Variants in MON1B observed in about 807,000 individuals in gnomAD.
The protein encoded by MON1B is vacuolar fusion protein MON1 homolog B.
Under a neutral mutation model 45.1 loss-of-function variants are expected in MON1B, and 26 were observed. The observed-to-expected ratio is 0.58, with a 90% CI of 0.42 to 0.80. The LOEUF (loss-of-function observed/expected upper bound fraction) is 0.80. Ranked by LOEUF, MON1B falls within the 30% of genes least tolerant of loss-of-function variation. The probability of loss-of-function intolerance (pLI) is 0.00; values close to 1 mark genes in which losing one functional copy is unlikely to be tolerated. For missense variants in MON1B, 737 were observed against 754.5 expected, an observed-to-expected ratio of 0.98 and a Z score of 0.27; for synonymous variants, 395 against 320.2, an observed-to-expected ratio of 1.23 and a Z score of -2.49.
Position 77,193,480 on chromosome 16 carries a change from C to T in MON1B, c.178C>T (p.Pro60Ser). The T allele has an allele frequency of 6.3e-7, 1 of 1,579,462 alleles. No individual in the cohort carries two copies. Among genetic ancestry groups the T allele is most frequent in the Non-Finnish European group, 8.6e-7 (1 of 1,160,704 alleles). Residue 60 changes from proline (P) to serine (S), a missense_variant, in exon 3 of 6, where the codon CCA (proline) becomes TCA (serine). Transcript: ENST00000248248. The surrounding 1 kb of genome is among the most constrained non-coding windows in gnomAD (Gnocchi z 5.0). ...GSKDKDQPPS[P>S]SPPPQSEALS... ...CAAGGACAAGGACCAGCCACCCAGC[C>T]CATCACCACCGCCCCAGTCAGAGGC...
rs1597378403 is a variant in MON1B at position 77,198,218 on chromosome 16, G to A, written c.1554G>A (p.Arg518=). The change falls in exon 6 of 6, where the codon CGG becomes CGA. Residue 518 remains arginine (R), a synonymous_variant. Transcript: ENST00000248248. ...GCTGGGTGAAGAAAGAGGAGGACCGGCTCTTCATTCGTTACCCACCCAAGT... is the reference window on the plus strand; with the variant it reads ...GCTGGGTGAAGAAAGAGGAGGACCGACTCTTCATTCGTTACCCACCCAAGT... ...LLRWVKKEED[R]LFIRYPPKYS... The A allele has an allele frequency of 1.2e-6, 2 of 1,614,134 alleles. No homozygotes were observed. Among genetic ancestry groups the A allele is most frequent in the Non-Finnish European group, 1.7e-6 (2 of 1,180,016 alleles).
rs1358105882 is a variant in MON1B, at chr16:77,198,920, AC to A, written c.*615del. 6.2e-6 allele frequency: 1 copy of A among 162,132 alleles called. No individual in the cohort carries two copies. 10.0% of individuals were successfully genotyped at this position (162,132 alleles called of 1,614,324 possible). On this transcript the variant is annotated 3_prime_UTR_variant, in exon 6 of 6. Coordinates refer to ENST00000248248, the MANE Select transcript of MON1B (RefSeq NM_014940.4). ...GTGGCCTTCAGTGTCCACCTGTGGA[AC>A]CCAGGACACAGCACCTGACTGCACA...
rs1436011789 is a variant in MON1B, at chr16:77,193,416, C to T, written c.149-35C>T. 7.2e-6 allele frequency: 11 copies of T among 1,519,486 alleles called. No homozygotes were observed. The highest frequency in any genetic ancestry group is 9.7e-6 in the Non-Finnish European group (11 of 1,131,144). The allele number at this position is 1,519,486 out of a possible 1,614,324, so 94.1% of individuals were successfully genotyped here. Reference sequence around the variant, plus strand: ...GGGGATGTGGGATTAGTTAGGAGTTCACATGCAGATGACCCACCAGGGGCT... The same window carrying T: ...GGGGATGTGGGATTAGTTAGGAGTTTACATGCAGATGACCCACCAGGGGCT... On this transcript the variant is annotated intron_variant, in intron 2 of 5. Transcript: ENST00000248248. The surrounding 1 kb of genome is among the most constrained non-coding windows in gnomAD (Gnocchi z 5.0).
At chr16:77,192,783 G>C (rs747056333) in intron 2 of MON1B, among the ~76,000 whole-genome samples, 1 of 152,082 alleles carries the variant, frequency 6.6e-6, no homozygotes, top group Non-Finnish European at 1.5e-5. Context: ...GTTAATGATT[G>C]TTAATGTGGG....
rs1383121643 is a variant in MON1B at position 77,201,248 on chromosome 16, A to G, written c.*2940A>G. 2 of 152,250 alleles carry G rather than the reference A, an allele frequency of 1.3e-5. No individual in the cohort carries two copies. The highest frequency in any genetic ancestry group is 2.9e-5 in the Non-Finnish European group (2 of 68,042). 9.4% of individuals were successfully genotyped at this position (152,250 alleles called of 1,614,324 possible). Reference sequence around the variant, plus strand: ...ACTAAGTGCCAGCATTCAACAAAAGACAGACGGAAATAAGACAGATGCAAA... The same window carrying G: ...ACTAAGTGCCAGCATTCAACAAAAGGCAGACGGAAATAAGACAGATGCAAA... On this transcript the variant is annotated 3_prime_UTR_variant, in exon 6 of 6. Transcript: ENST00000248248.
rs182520517 is a variant in MON1B at position 77,195,867 on chromosome 16, G to A, written c.1443+185G>A. Among the ~76,000 whole-genome samples, 136 of 152,248 alleles carry A rather than the reference G, an allele frequency of 8.9e-4. 1 individual carries two copies. Among genetic ancestry groups the A allele is most frequent in the African/African-American group, 3.0e-3 (124 of 41,550 alleles). ...TTGAAGCCCCTGACAACTAATGACC[G>A]TGTCTCTAATCCGACATTAGCCTCA... On this transcript the variant is annotated intron_variant, in intron 5 of 5. Transcript: ENST00000248248.
chr16:77,200,272 G>GTATATATATATA lies in MON1B; in HGVS notation c.*1965_*1966insATATATATATAT, dbSNP rs1333107439. On this transcript the variant is annotated 3_prime_UTR_variant, in exon 6 of 6. Transcript: ENST00000248248. ...TGTATATGTGTATATATATATATAT[G>GTATATATATATA]TGTATATATATATATATATACACAC... 1.1e-4 allele frequency: 9 copies of GTATATATATATA among 84,632 alleles called. No homozygotes were observed. The highest frequency in any genetic ancestry group is 3.3e-4 in the East Asian group (1 of 3,010). The allele number at this position is 84,632 out of a possible 1,614,324, so 5.2% of individuals were successfully genotyped here.
chr16:77,197,763 T>C (rs1349727438), intron 5 of MON1B, among the ~76,000 whole-genome samples: 2 of 152,116 alleles, frequency 1.3e-5, no homozygotes, highest in African/African-American at 4.8e-5. Context: ...CTGTAGATGA[T>C]GAAAACATAG....
At position 77,194,666 on chromosome 16, in the gene MON1B, A is replaced by T. The variant is rs1194178509; in HGVS notation, c.807A>T (p.Thr269=). ...TAGGTGCGCTCCTCCGACGTTGCAC[A>T]GCGCCTGGCCTGGCGCTGTCAGTGC... is the stretch of plus-strand genomic sequence containing the variant. ...DALGALLRRC[T]APGLALSVLA... The change falls in exon 4 of 6, where the codon ACA becomes ACT. Residue 269 remains threonine (T), a synonymous_variant. Coordinates refer to ENST00000248248, the MANE Select transcript of MON1B (RefSeq NM_014940.4). This position sits in a 1 kb window ranked among gnomAD's most constrained non-coding sequence, Gnocchi z 8.1. The T allele has an allele frequency of 6.2e-7, 1 of 1,613,906 alleles. No homozygotes were observed. Among genetic ancestry groups the T allele is most frequent in the Admixed American group, 1.7e-5 (1 of 60,008 alleles).
Position 77,194,820 on chromosome 16 carries a change from G to T in MON1B, c.961G>T (p.Ala321Ser), listed in dbSNP as rs2054648561. 6 of 1,611,170 alleles carry T rather than the reference G, an allele frequency of 3.7e-6. No individual in the cohort carries two copies. Among genetic ancestry groups the T allele is most frequent in the African/African-American group, 1.3e-5 (1 of 75,064 alleles). ...TGCACCAGCCTTTGCGGCGGGTGAG[G>T]CTTGGGCACCTGTGTGCCTGCCCCG... ...VGAPAFAAGE[A>S]WAPVCLPRFN... The change falls in exon 4 of 6, where the codon GCT (alanine) becomes TCT (serine). Residue 321 changes from alanine to serine, a missense_variant. Ala to Ser is a moderately conservative substitution (Grantham distance 99). Transcript: ENST00000248248. The surrounding 1 kb of genome is among the most constrained non-coding windows in gnomAD (Gnocchi z 8.1).
In MON1B at chr16:77,193,315, G is replaced by T; in HGVS notation, c.149-136G>T. ...TAGGGCAGTCATCGGGTCATTGAGG[G>T]GCATAGGAGACACTTGGAGTTCTGC... On this transcript the variant is annotated intron_variant, in intron 2 of 5. Transcript: ENST00000248248. The surrounding 1 kb of genome is among the most constrained non-coding windows in gnomAD (Gnocchi z 5.0). The T allele has an allele frequency of 1.3e-6, 1 of 779,468 alleles. No individual in the cohort carries two copies. The allele number at this position is 779,468 out of a possible 1,614,324, so 48.3% of individuals were successfully genotyped here. A position where few individuals can be genotyped will look rare whatever the true frequency, so the allele number is the denominator to read the frequency against.
chr16:77,195,969 G>C (rs1289873979), intron 5 of MON1B, among the ~76,000 whole-genome samples: 2 of 152,154 alleles, frequency 1.3e-5, no homozygotes, highest in African/African-American at 4.8e-5. Context: ...AACTACCACT[G>C]CTGTGCCTGC....
In MON1B at chr16:77,199,533, G is replaced by T; in HGVS notation, c.*1225G>T. 1 of 1,541,924 alleles carries T rather than the reference G, an allele frequency of 6.5e-7. No homozygotes were observed. The highest frequency in any genetic ancestry group is 8.8e-7 in the Non-Finnish European group (1 of 1,138,516). ...TGAAGGTAGTGAGGGCAAGTGGGCT[G>T]CACTCCTTTCTCTCCAACCAGGGCA... On this transcript the variant is annotated 3_prime_UTR_variant, in exon 6 of 6. Coordinates refer to ENST00000248248, the MANE Select transcript of MON1B (RefSeq NM_014940.4).
Position 77,200,220 on chromosome 16 carries a change from A to T in MON1B, c.*1912A>T, listed in dbSNP as rs1212378651. ...TGTGTATGTGTATTTATATGTATGT[A>T]TGTATGTGTGTGTATATATATATAT... On this transcript the variant is annotated 3_prime_UTR_variant, in exon 6 of 6. Transcript: ENST00000248248. 2 of 117,714 alleles carry T rather than the reference A, an allele frequency of 1.7e-5. No homozygotes were observed. Among genetic ancestry groups the T allele is most frequent in the Non-Finnish European group, 3.4e-5 (2 of 58,092 alleles). The allele number at this position is 117,714 out of a possible 1,614,324, so 7.3% of individuals were successfully genotyped here. A position where few individuals can be genotyped will look rare whatever the true frequency, so the allele number is the denominator to read the frequency against.
Position 77,199,305 on chromosome 16 carries a change from C to T in MON1B, c.*997C>T. On this transcript the variant is annotated 3_prime_UTR_variant, in exon 6 of 6. Coordinates refer to ENST00000248248, the MANE Select transcript of MON1B (RefSeq NM_014940.4). ...CTGGCAATCAGGGCCGCAGTGTGTT[C>T]TGCGCCTGCCCAGAGCTGACTCCTG... 4.2e-6 allele frequency: 3 copies of T among 712,908 alleles called. No individual in the cohort carries two copies. In the South Asian group the frequency reaches 5.6e-5, roughly 13 times the overall value. 44.2% of individuals were successfully genotyped at this position (712,908 alleles called of 1,614,324 possible).
rs1420511200 is a variant in MON1B, at chr16:77,201,270, C to G, written c.*2962C>G. ...AAGACAGACGGAAATAAGACAGATG[C>G]AAATAGATCTCATTTATTAACTGTG... On this transcript the variant is annotated 3_prime_UTR_variant, in exon 6 of 6. Transcript: ENST00000248248. 6.6e-6 allele frequency: 1 copy of G among 152,054 alleles called. No homozygotes were observed. Among genetic ancestry groups the G allele is most frequent in the Non-Finnish European group, 1.5e-5 (1 of 68,018 alleles). 9.4% of individuals were successfully genotyped at this position (152,054 alleles called of 1,614,324 possible).
Position 77,198,698 on chromosome 16 carries a change from G to C in MON1B, c.*390G>C. On this transcript the variant is annotated 3_prime_UTR_variant, in exon 6 of 6. Transcript: ENST00000248248. ...CCAAGGTGTCTAGGGTGGCCCACGG[G>C]GGTGCTGGAATTGGCACTTCAGGGC... is the stretch of plus-strand genomic sequence containing the variant. The C allele has an allele frequency of 4.0e-6, 1 of 247,288 alleles. No homozygotes were observed. Among genetic ancestry groups the C allele is most frequent in the East Asian group, 9.3e-5 (1 of 10,724 alleles). The allele number at this position is 247,288 out of a possible 1,614,324, so 15.3% of individuals were successfully genotyped here. A position where few individuals can be genotyped will look rare whatever the true frequency, so the allele number is the denominator to read the frequency against.
Position 77,199,457 on chromosome 16 carries a change from G to C in MON1B, c.*1149G>C. 1.3e-6 allele frequency: 2 copies of C among 1,551,514 alleles called. No individual in the cohort carries two copies. The highest frequency in any genetic ancestry group is 2.4e-5 in the East Asian group (1 of 40,912). ...CGCAGGCCCCGCGTTGGAAAATGGC[G>C]GGGAAGCTGAAACCTCTGAATGTGG... On this transcript the variant is annotated 3_prime_UTR_variant, in exon 6 of 6. Transcript: ENST00000248248.
At chr16:77,195,438 C>G in intron 4 of MON1B, 97 bp from the exon 5 acceptor site, 1 of 1,405,246 alleles carries the variant, frequency 7.1e-7, no homozygotes, top group South Asian at 1.4e-5. Flanking sequence ...AGGCTCAGCT[C>G]CCTAACTTCA....
Sources: gnomAD v4.1 joint callset for allele counts (sites outside exome capture counted in the v4.1 genomes callset) on GRCh38, gnomAD v4.1.1 for gene constraint, Gnocchi (gnomAD v3.1) non-coding constraint, MANE v1.5 for transcripts, NCBI Gene and HGNC (gene_info 2026-07-23, HGNC 2026-07-21) for gene names.